AHCYL1: variants seen among roughly 807,000 people sequenced by gnomAD.
AHCYL1 encodes the protein S-adenosylhomocysteine hydrolase-like protein 1.
Under a neutral mutation model 79.3 loss-of-function variants are expected in AHCYL1, and 20 were observed. The ratio of observed to expected loss-of-function variants is 0.25; its 90% CI spans 0.18 to 0.37. AHCYL1 has a LOEUF of 0.37. Among genes scored for constraint, AHCYL1 ranks in the 10% least tolerant of loss-of-function variants. The pLI is 1.00. For synonymous variants in AHCYL1, 223 were observed against 242.2 expected, an observed-to-expected ratio of 0.92 and a Z score of 0.74; for missense variants, 330 against 673.6, an observed-to-expected ratio of 0.49 and a Z score of 5.65.
intron 1 of AHCYL1, among the ~76,000 whole-genome samples, chr1:110,000,239 T>G (rs1570858855): frequency 6.6e-6 from 1 of 152,238 alleles, no homozygotes; most frequent in East Asian, 1.9e-4. Flanking sequence ...ACTAAAAATT[T>G]TGCTTAAACG....
rs1274049183 is a variant in AHCYL1 at position 109,985,011 on chromosome 1, G to C, written c.-42G>C. The C allele has an allele frequency of 6.8e-7, 1 of 1,477,862 alleles. No individual in the cohort carries two copies. Among genetic ancestry groups the C allele is most frequent in the African/African-American group, 1.5e-5 (1 of 68,378 alleles). 91.5% of individuals were successfully genotyped at this position (1,477,862 alleles called of 1,614,324 possible). Reference sequence around the variant, plus strand: ...CGGGCGGGCGCCAGAGGGGGAAAGAGGCGGGGGCGGCGGGTCAGCCGCTGG... The same window carrying C: ...CGGGCGGGCGCCAGAGGGGGAAAGACGCGGGGGCGGCGGGTCAGCCGCTGG... On this transcript the variant is annotated 5_prime_UTR_variant, in exon 1 of 17. Coordinates refer to ENST00000369799, the MANE Select transcript of AHCYL1 (RefSeq NM_006621.7).
intron 1 of AHCYL1, among the ~76,000 whole-genome samples, chr1:110,005,951 GCTTTT>G (rs1294793793): frequency 4.1e-5 from 6 of 146,722 alleles, no homozygotes; most frequent in African/African-American, 1.5e-4. Context: ...GTTTGGTAGA[GCTTTT>G]CTTTACCATT....
chr1:110,012,075 A>G (rs917812588), intron 3 of AHCYL1, among the ~76,000 whole-genome samples: 7 of 152,238 alleles, frequency 4.6e-5, no homozygotes, highest in African/African-American at 1.4e-4. Context: ...TCCCAAATGA[A>G]TGATGAGACT....
rs760978456 is a variant in AHCYL1, at chr1:110,012,343, AT to A, written c.377-18del. On this transcript the variant is annotated intron_variant, in intron 3 of 16. Coordinates refer to ENST00000369799, the MANE Select transcript of AHCYL1 (RefSeq NM_006621.7). ...TACTGCTAGTGCAGACCTAGCTCAA[AT>A]CCTCTGTTCTTTCACAGACATGTCT... is the stretch of plus-strand genomic sequence containing the variant. 19 of 1,610,624 alleles carry A rather than the reference AT, an allele frequency of 1.2e-5. No individual in the cohort carries two copies. The African/African-American group carries it at 1.7e-4, about 15-fold the overall frequency.
At chr1:109,987,612 GAC>G (rs372979698) in intron 1 of AHCYL1, among the ~76,000 whole-genome samples, 5 of 152,316 alleles carry the variant, frequency 3.3e-5, no homozygotes, top group African/African-American at 1.2e-4. Context: ...CTTTGTTTGA[GAC>G]AGAGTCAGCT....
intron 1 of AHCYL1, chr1:110,004,015 T>G (rs936274883): frequency 4.9e-5 from 48 of 985,318 alleles, no homozygotes; most frequent in Non-Finnish European, 5.7e-5. Flanking sequence ...TTTTTCAAGC[T>G]GTGTGTTCCT....
rs1272336688 is a variant in AHCYL1 at position 110,015,302 on chromosome 1, G to A, written c.676-123G>A. 7 of 757,022 alleles carry A rather than the reference G, an allele frequency of 9.2e-6. No individual in the cohort carries two copies. In the Admixed American group the frequency reaches 1.5e-4, roughly 16 times the overall value. The allele number at this position is 757,022 out of a possible 1,614,324, so 46.9% of individuals were successfully genotyped here. The stretch of plus-strand genomic sequence containing the variant: ...TTCCACTCTCTAAGCCTGCTCTAGG[G>A]AGCTCTGAGGAGTACTCTTCCAAAA... On this transcript the variant is annotated intron_variant, in intron 6 of 16. Coordinates refer to ENST00000369799, the MANE Select transcript of AHCYL1 (RefSeq NM_006621.7).
At chr1:109,989,193 G>T (rs1354218108) in intron 1 of AHCYL1, among the ~76,000 whole-genome samples, 1 of 152,068 alleles carries the variant, frequency 6.6e-6, no homozygotes, top group African/African-American at 2.4e-5. Context: ...TTACACTCTA[G>T]TTTCCAAATT....
At chr1:109,998,581 A>G (rs1650141732) in intron 1 of AHCYL1, among the ~76,000 whole-genome samples, 1 of 152,202 alleles carries the variant, frequency 6.6e-6, no homozygotes, top group Non-Finnish European at 1.5e-5. Context: ...GGGTTCAAGC[A>G]ATCCTCTTGC....
At chr1:110,019,819 A>G (rs183594828) in intron 15 of AHCYL1, among the ~76,000 whole-genome samples, 193 bp downstream of exon 15, 12 of 152,236 alleles carry the variant, frequency 7.9e-5, no homozygotes, top group Non-Finnish European at 1.8e-4. Context: ...AATACTACAT[A>G]CATTGTAGAA....
chr1:110,016,514 C>T lies in AHCYL1; in HGVS notation c.899+54C>T, dbSNP rs941052252. The T allele has an allele frequency of 7.6e-6, 12 of 1,572,848 alleles. No homozygotes were observed. In the African/African-American group the frequency reaches 1.6e-4, roughly 21 times the overall value. On this transcript the variant is annotated intron_variant, in intron 8 of 16. Coordinates refer to ENST00000369799, the MANE Select transcript of AHCYL1 (RefSeq NM_006621.7). ...TCTAGGGGCTCTGGTCTTCCTTTGG[C>T]TTTAAAAGTTTATTAGAGGGACCAT... is the stretch of plus-strand genomic sequence containing the variant.
Position 109,984,942 on chromosome 1 carries a change from A to C in AHCYL1, c.-111A>C. ...GACGCAGCTCGACGCAGGGGCCGGC[A>C]GGAGGGTGGGCGATCGCGTGTCGGA... On this transcript the variant is annotated 5_prime_UTR_variant, in exon 1 of 17. Transcript: ENST00000369799. The C allele has an allele frequency of 1.5e-6, 2 of 1,324,044 alleles. No homozygotes were observed. Among genetic ancestry groups the C allele is most frequent in the Non-Finnish European group, 9.6e-7 (1 of 1,037,822 alleles). 82.0% of individuals were successfully genotyped at this position (1,324,044 alleles called of 1,614,324 possible).
chr1:109,990,546 CAAA>C (rs948344778), intron 1 of AHCYL1, among the ~76,000 whole-genome samples: 25 of 152,242 alleles, frequency 1.6e-4, no homozygotes, highest in African/African-American at 4.8e-4. Context: ...AGAGCCAAAA[CAAA>C]GAAGTTTCTA....
intron 7 of AHCYL1, among the ~76,000 whole-genome samples, chr1:110,015,898 C>A (rs1042511617): frequency 6.6e-6 from 1 of 152,082 alleles, no homozygotes; most frequent in East Asian, 1.9e-4. Context: ...AAAAGTAAAA[C>A]TGGGCAAAAT....
At chr1:109,996,216 G>T (rs1358667835) in intron 1 of AHCYL1, among the ~76,000 whole-genome samples, 1 of 151,842 alleles carries the variant, frequency 6.6e-6, no homozygotes, top group African/African-American at 2.4e-5. Context: ...TCTCAAAAAA[G>T]AAAAAAAGAT....
chr1:110,012,088 C>T (rs1286512915), intron 3 of AHCYL1, among the ~76,000 whole-genome samples: 5 of 152,204 alleles, frequency 3.3e-5, no homozygotes, highest in Admixed American at 3.3e-4. Flanking sequence ...ATGAGACTCA[C>T]CCTTCATTTT....
chr1:110,009,239 T>C (rs1284521467), intron 2 of AHCYL1, 94 bp downstream of exon 2: 22 of 1,099,760 alleles, frequency 2.0e-5, no homozygotes, highest in Non-Finnish European at 2.5e-5. Context: ...CCTCATGTTA[T>C]GACTGCCCAC....
intron 1 of AHCYL1, among the ~76,000 whole-genome samples, chr1:109,989,877 C>T (rs1433848659): frequency 2.0e-5 from 3 of 152,348 alleles, no homozygotes; most frequent in East Asian, 3.9e-4. Context: ...GGGCAACCTA[C>T]GTGCATAGAC....
At chr1:109,985,220 GA>G in intron 1 of AHCYL1, 48 bp downstream of exon 1, 1 of 1,576,962 alleles carries the variant, frequency 6.3e-7, no homozygotes, top group Admixed American at 1.8e-5. Context: ...CGGCCTCGCG[GA>G]AGGGACGCGA....
Sources: allele counts gnomAD v4.1 joint callset (sites outside exome capture counted in the v4.1 genomes callset), GRCh38; gene constraint gnomAD v4.1.1; transcripts MANE v1.5; gene names NCBI Gene and HGNC (gene_info 2026-07-23, HGNC 2026-07-21).